Variants in ARFGEF2 observed in about 807,000 individuals in gnomAD.
ARFGEF2 encodes brefeldin A-inhibited guanine nucleotide-exchange protein 2.
A neutral mutation model predicts 219.9 loss-of-function variants in ARFGEF2; 74 were observed. The ratio of observed to expected loss-of-function variants is 0.34; its 90% confidence interval spans 0.28 to 0.41. The LOEUF (loss-of-function observed/expected upper bound fraction) is 0.41. Among genes scored for constraint, ARFGEF2 ranks in the 10% least tolerant of loss-of-function variants. The probability of loss-of-function intolerance (pLI) is 1.00; values close to 1 mark genes in which losing one functional copy is unlikely to be tolerated. For missense variants in ARFGEF2, 1,743 were observed against 2,218.3 expected (o/e 0.79, Z 4.30); for synonymous variants, 733 against 799.2 (o/e 0.92, Z 1.40).
intron 6 of ARFGEF2, among the ~76,000 whole-genome samples, chr20:48,959,338 T>C (rs1433750763): frequency 1.3e-5 from 2 of 151,624 alleles, no homozygotes; most frequent in East Asian, 1.9e-4. Context: ...CTTGGAAATA[T>C]CTAGTCATAT....
intron 14 of ARFGEF2, among the ~76,000 whole-genome samples, chr20:48,982,200 A>G (rs974493736): frequency 3.4e-4 from 51 of 152,110 alleles, no homozygotes; most frequent in African/African-American, 1.2e-3. Flanking sequence ...TGATGTTGCT[A>G]TTCCTTTCTG....
chr20:49,008,930 ACTC>A (rs1356983486), intron 26 of ARFGEF2, among the ~76,000 whole-genome samples: 2 of 151,356 alleles, frequency 1.3e-5, no homozygotes, highest in African/African-American at 4.9e-5. Flanking sequence ...CTGGTCTTGA[ACTC>A]CTGACCTCAA....
chr20:48,948,971 A>T (rs976464296), intron 3 of ARFGEF2, among the ~76,000 whole-genome samples: 4 of 152,166 alleles, frequency 2.6e-5, no homozygotes, highest in South Asian at 2.1e-4. Context: ...GAGAATATAG[A>T]CTCTATAAGA....
chr20:48,975,943 C>T, intron 13 of ARFGEF2, 73 bp from the exon 14 acceptor site: 1 of 1,495,600 alleles, frequency 6.7e-7, no homozygotes, highest in Non-Finnish European at 9.3e-7. Context: ...GGGAGCCGTG[C>T]AGCCAGACCT....
intron 14 of ARFGEF2, among the ~76,000 whole-genome samples, chr20:48,981,141 G>A (rs943552505): frequency 2.0e-5 from 3 of 152,114 alleles, no homozygotes; most frequent in African/African-American, 4.8e-5. Flanking sequence ...TCTATGTTTA[G>A]TGCTTCCTTC....
rs201897249 is a variant in ARFGEF2, at chr20:48,965,944, T to C, written c.980T>C (p.Ile327Thr). 11 of 1,614,096 alleles carry C rather than the reference T, an allele frequency of 6.8e-6. No homozygotes were observed. The African/African-American group carries it at 1.2e-4, about 18-fold the overall frequency. ...LGELECQECAIPPGVDENSQT... is the reference protein window; with the variant it reads ...LGELECQECATPPGVDENSQT... ...GAACTGGAGTGCCAGGAATGTGCTA[T>C]TCCCCCAGGAGTTGATGAAAACTCA... The change falls in exon 8 of 39, where the codon ATT becomes ACT. Residue 327 changes from isoleucine to threonine, a missense_variant. Physicochemically the swap from Ile to Thr is moderately conservative, Grantham distance 89. Coordinates refer to ENST00000371917, the MANE Select transcript of ARFGEF2 (RefSeq NM_006420.3).
intron 8 of ARFGEF2, among the ~76,000 whole-genome samples, chr20:48,968,511 T>C (rs927258818): frequency 6.6e-6 from 1 of 151,954 alleles, no homozygotes; most frequent in Non-Finnish European, 1.5e-5. Flanking sequence ...CAAGCGATTC[T>C]CCTGTCTTAG....
chr20:48,998,111 C>A, intron 23 of ARFGEF2, 82 bp from the exon 24 acceptor site: 1 of 1,305,436 alleles, frequency 7.7e-7, no homozygotes, highest in Non-Finnish European at 1.1e-6. Context: ...ACACCCTCCT[C>A]GGCCTCCCAA....
rs1568705158 is a variant in ARFGEF2 at position 48,959,409 on chromosome 20, T to TCCC, written c.839-4421_839-4420insCCC. Among the ~76,000 whole-genome samples, 10 of 63,466 alleles carry TCCC rather than the reference T, an allele frequency of 1.6e-4. No individual in the cohort carries two copies. In the East Asian group the frequency reaches 3.1e-3, roughly 20 times the overall value. The allele number at this position is 63,466 out of a possible 152,430, so 41.6% of individuals were successfully genotyped here. A position where few individuals can be genotyped will look rare whatever the true frequency, so the allele number is the denominator to read the frequency against. The stretch of plus-strand genomic sequence containing the variant: ...AGTGAACCCTTCCTTCCCTCCTTCC[T>TCCC]TCCCTCCCTCCCTCCCTTCTTCCTT... On this transcript the variant is annotated intron_variant, in intron 6 of 38. Coordinates refer to ENST00000371917, the MANE Select transcript of ARFGEF2 (RefSeq NM_006420.3).
At chr20:48,946,311 C>T (rs1249882730) in intron 3 of ARFGEF2, among the ~76,000 whole-genome samples, 1 of 152,060 alleles carries the variant, frequency 6.6e-6, no homozygotes, top group African/African-American at 2.4e-5. Flanking sequence ...TGGAGACTTC[C>T]CCTGCGGCTT....
chr20:48,982,720 G>A (rs1317999041), intron 14 of ARFGEF2, among the ~76,000 whole-genome samples: 2 of 152,168 alleles, frequency 1.3e-5, no homozygotes, highest in African/African-American at 4.8e-5. Context: ...CCCTCCCCCT[G>A]CCAGGCTGCT....
At position 49,010,354 on chromosome 20, in the gene ARFGEF2, A is replaced by C. The variant is rs369727237; in HGVS notation, c.3707A>C (p.His1236Pro). ...GTGTTCCACCAGGCAGCCTCTGATC[A>C]TGATGGGAACATTGTGGAGCTGGCC... Reference protein sequence around the residue: ...FAVFHQAASDHDGNIVELAFQ... With the variant: ...FAVFHQAASDPDGNIVELAFQ... The change falls in exon 27 of 39, where the codon CAT becomes CCT. Residue 1236 changes from histidine (H) to proline (P), a missense_variant. Around this residue, in one of 5 missense-constraint regions of ARFGEF2, gnomAD observed 102 missense variants for 146.8 expected, o/e 0.69. Transcript: ENST00000371917. 1.2e-6 allele frequency: 2 copies of C among 1,614,098 alleles called. No individual in the cohort carries two copies. The highest frequency in any genetic ancestry group is 1.7e-6 in the Non-Finnish European group (2 of 1,180,052).
At position 49,020,639 on chromosome 20, in the gene ARFGEF2, T is replaced by A. The variant is rs536861561; in HGVS notation, c.4624+1641T>A. On this transcript the variant is annotated intron_variant, in intron 34 of 38. Transcript: ENST00000371917. ...TATTTTATTTTTTGTAGAGATGGGG[T>A]CTCACTTTGTTGCCCAGGCTGGTCT... Among the ~76,000 whole-genome samples the A allele has an allele frequency of 5.3e-5, 8 of 152,208 alleles. No individual in the cohort carries two copies. In the South Asian group the frequency reaches 1.7e-3, roughly 32 times the overall value.
Position 48,999,763 on chromosome 20 carries a change from A to G in ARFGEF2, c.3432+1258A>G, listed in dbSNP as rs999510695. Among the ~76,000 whole-genome samples, 5 of 145,098 alleles carry G rather than the reference A, an allele frequency of 3.4e-5. No individual in the cohort carries two copies. The South Asian group carries it at 8.3e-4, about 24-fold the overall frequency. On this transcript the variant is annotated intron_variant, in intron 25 of 38. Coordinates refer to ENST00000371917, the MANE Select transcript of ARFGEF2 (RefSeq NM_006420.3). The stretch of plus-strand genomic sequence containing the variant: ...CTCCGTCTTAAAAAAAAAAAAAAAA[A>G]AAAAAGAAATGTATGTATGTATGTA...
chr20:49,007,795 A>G (rs1396421531), intron 26 of ARFGEF2, among the ~76,000 whole-genome samples: 1 of 152,050 alleles, frequency 6.6e-6, no homozygotes, highest in African/African-American at 2.4e-5. Context: ...CCTTTACTTT[A>G]GCAAATACAC....
chr20:49,019,406 T>C (rs1422278708), intron 34 of ARFGEF2, among the ~76,000 whole-genome samples: 2 of 152,226 alleles, frequency 1.3e-5, no homozygotes, highest in African/African-American at 4.8e-5. Flanking sequence ...AATCAGTACA[T>C]AAGGAGCTTT....
At position 48,985,560 on chromosome 20, in the gene ARFGEF2, G is replaced by A. The variant is rs1352414182; in HGVS notation, c.2223G>A (p.Lys741=). 5.0e-6 allele frequency: 8 copies of A among 1,614,084 alleles called. No homozygotes were observed. Among genetic ancestry groups the A allele is most frequent in the Non-Finnish European group, 6.8e-6 (8 of 1,180,038 alleles). ...TCCGCCTACCTGGAGAAGCCCAAAA[G>A]ATTGACCGATTAATGGAGAAGTTTG... The part of the protein sequence containing the change: ...EGFRLPGEAQ[K]IDRLMEKFAA... The change falls in exon 16 of 39, where the codon AAG becomes AAA. Residue 741 remains lysine, a synonymous_variant. Transcript: ENST00000371917.
At chr20:48,949,514 G>C (rs369595803) in intron 3 of ARFGEF2, among the ~76,000 whole-genome samples, 1 of 152,172 alleles carries the variant, frequency 6.6e-6, no homozygotes, top group African/African-American at 2.4e-5. Context: ...CCCCTCACCT[G>C]GAGATTTGGG....
At chr20:48,923,117 A>G (rs2059431805) in intron 1 of ARFGEF2, among the ~76,000 whole-genome samples, 1 of 152,194 alleles carries the variant, frequency 6.6e-6, no homozygotes, top group South Asian at 2.1e-4. Flanking sequence ...CTGAAAGGCA[A>G]GAACTATCCA....
Sources: gnomAD v4.1 joint callset for allele counts (sites outside exome capture counted in the v4.1 genomes callset) on GRCh38, gnomAD v4.1.1 for gene constraint, gnomAD v4.1.1 regional missense constraint, MANE v1.5 for transcripts, NCBI Gene and HGNC (gene_info 2026-07-23, HGNC 2026-07-21) for gene names.